GAPVD1: variants seen among roughly 807,000 people sequenced by gnomAD.
GAPVD1 encodes GTPase activating protein and VPS9 domains 1.
Under a neutral mutation model 155.5 loss-of-function variants are expected in GAPVD1, and 35 were observed. The ratio of observed to expected loss-of-function variants is 0.23; its 90% CI spans 0.17 to 0.30. GAPVD1 has a LOEUF of 0.30. Among genes scored for constraint, GAPVD1 ranks in the 10% least tolerant of loss-of-function variants. GAPVD1 has a pLI of 1.00. For missense variants in GAPVD1, 1,429 were observed against 1,775.7 expected, an observed-to-expected ratio of 0.80 and a Z score of 3.51; for synonymous variants, 636 against 619.7, an observed-to-expected ratio of 1.03 and a Z score of -0.39.
Position 125,346,917 on chromosome 9 carries a change from G to A in GAPVD1, c.3145G>A (p.Ala1049Thr). The A allele has an allele frequency of 6.2e-7, 1 of 1,612,318 alleles. No individual in the cohort carries two copies. Among genetic ancestry groups the A allele is most frequent in the South Asian group, 1.1e-5 (1 of 91,038 alleles). ...TAAACGGACCAGCCCCAGTGATGGA[G>A]CAATGGCAAACTATGAAAGTACAGG... Reference protein sequence around the residue: ...AIKRTSPSDGAMANYESTEVM... With the variant: ...AIKRTSPSDGTMANYESTEVM... Residue 1049 changes from alanine (A) to threonine (T), a missense_variant, in exon 20 of 28, where the codon GCA becomes ACA. Physicochemically the swap from Ala to Thr is moderately conservative, Grantham distance 58. Transcript: ENST00000297933.
intron 15 of GAPVD1, among the ~76,000 whole-genome samples, chr9:125,336,145 C>CA (rs770093537): frequency 0.081 from 5,547 of 68,820 alleles, 331 homozygotes; most frequent in African/African-American, 0.23. Context: ...ACTTTGTCTC[C>CA]AAAAAAAAAA....
intron 15 of GAPVD1, among the ~76,000 whole-genome samples, chr9:125,334,920 T>C (rs563053725): frequency 2.0e-4 from 30 of 152,290 alleles, no homozygotes; most frequent in African/African-American, 7.2e-4. Flanking sequence ...AACGTGTGTC[T>C]ACCTGCATGA....
chr9:125,277,980 T>C (rs1836084908), intron 2 of GAPVD1, among the ~76,000 whole-genome samples: 1 of 152,172 alleles, frequency 6.6e-6, no homozygotes, highest in South Asian at 2.1e-4. Flanking sequence ...GTCAATTTTT[T>C]GGAACGAGAA....
chr9:125,325,740 T>G (rs1845076120), intron 11 of GAPVD1, among the ~76,000 whole-genome samples: 1 of 152,160 alleles, frequency 6.6e-6, no homozygotes, highest in Non-Finnish European at 1.5e-5. Context: ...TATCAGTGTA[T>G]TAATTAGGAT....
chr9:125,274,969 G>T (rs980839126), intron 2 of GAPVD1, among the ~76,000 whole-genome samples: 6 of 152,072 alleles, frequency 3.9e-5, no homozygotes, highest in African/African-American at 1.4e-4. Flanking sequence ...CTGCCTCCGG[G>T]ATCTTAGGCA....
intron 2 of GAPVD1, among the ~76,000 whole-genome samples, chr9:125,288,464 A>G (rs185761127): frequency 7.0e-4 from 106 of 152,202 alleles, no homozygotes; most frequent in Middle Eastern, 3.4e-3. Context: ...CCCATCCACC[A>G]AAGGACTACA....
chr9:125,323,001 CAAG>C (rs1844573778), intron 10 of GAPVD1, among the ~76,000 whole-genome samples: 1 of 146,680 alleles, frequency 6.8e-6, no homozygotes, highest in Non-Finnish European at 1.5e-5. Flanking sequence ...TGCAGTGAGC[CAAG>C]ATGGTGCCAC....
intron 9 of GAPVD1, among the ~76,000 whole-genome samples, chr9:125,315,047 A>G (rs2131328499): frequency 6.6e-6 from 1 of 152,188 alleles, no homozygotes; most frequent in East Asian, 1.9e-4. Flanking sequence ...TCGGCCTCCC[A>G]AAGTGCTGGG....
intron 23 of GAPVD1, among the ~76,000 whole-genome samples, chr9:125,352,599 G>A (rs1473744403): frequency 1.3e-5 from 2 of 152,196 alleles, no homozygotes; most frequent in African/African-American, 2.4e-5. Flanking sequence ...TTCCTCCTAG[G>A]CCTCTGGGCC....
rs1564310420 is a variant in GAPVD1 at position 125,293,842 on chromosome 9, A to AAAATATATTTTATATATATAT, written c.-149-1614_-149-1594dup. ...TGAAATATAAAAAAATATATATATA[A>AAAATATATTTTATATATATAT]AAATATATTTTATATATATATATAT... On this transcript the variant is annotated intron_variant, in intron 2 of 27. Coordinates refer to ENST00000297933, the MANE Select transcript of GAPVD1 (RefSeq NM_001282680.3). Among the ~76,000 whole-genome samples the AAAATATATTTTATATATATAT allele has an allele frequency of 5.5e-4, 43 of 77,986 alleles. 2 individuals carry two copies. The East Asian group carries it at 7.7e-3, about 14-fold the overall frequency. 51.2% of individuals were successfully genotyped at this position (77,986 alleles called of 152,430 possible). A position where few individuals can be genotyped will look rare whatever the true frequency, so the allele number is the denominator to read the frequency against.
At chr9:125,328,670 C>G (rs1427209515) in intron 12 of GAPVD1, among the ~76,000 whole-genome samples, 4 of 151,156 alleles carry the variant, frequency 2.6e-5, no homozygotes, top group Non-Finnish European at 5.9e-5. Context: ...TTCTATTCCA[C>G]AAAGCCGCCA....
chr9:125,312,583 C>G lies in GAPVD1; in HGVS notation c.1573C>G (p.Leu525Val), dbSNP rs147368981. ...CATTTCCTTAGGTACAGGTCCCCAGCTTACTCCAGGGATGATGTCAGAAAA... is the reference window on the plus strand; with the variant it reads ...CATTTCCTTAGGTACAGGTCCCCAGGTTACTCCAGGGATGATGTCAGAAAA... ...LVISLGTGPQ[L>V]TPGMMSENEV... is the part of the protein sequence containing the mutation. Residue 525 changes from leucine to valine, a missense_variant, in exon 9 of 28, where the codon CTT (leucine) becomes GTT (valine). Leu to Val is a conservative substitution (Grantham distance 32). Transcript: ENST00000297933. 5.0e-6 allele frequency: 8 copies of G among 1,596,022 alleles called. No individual in the cohort carries two copies. The African/African-American group carries it at 1.1e-4, about 22-fold the overall frequency.
At chr9:125,336,313 CAAAAAAT>C (rs1846976035) in intron 15 of GAPVD1, among the ~76,000 whole-genome samples, 1 of 141,208 alleles carries the variant, frequency 7.1e-6, no homozygotes, top group African/African-American at 2.6e-5. Flanking sequence ...AAACAAAAAA[CAAAAAAT>C]AGCTTCAGAC....
chr9:125,330,985 G>A (rs941472457), intron 13 of GAPVD1, among the ~76,000 whole-genome samples: 1 of 111,782 alleles, frequency 8.9e-6, no homozygotes, highest in Non-Finnish European at 1.9e-5. Flanking sequence ...TAATCCTGAG[G>A]ATTTTTTTTT....
At chr9:125,341,781 C>T (rs74977966) in intron 18 of GAPVD1, 1,611 of 157,012 alleles carry the variant, frequency 0.01, 21 homozygotes, top group African/African-American at 0.035. Flanking sequence ...GCAAAAGCAT[C>T]TCTTCCTGAA....
At position 125,323,871 on chromosome 9, in the gene GAPVD1, A is replaced by G; in HGVS notation, c.1806A>G (p.Gly602=). The change falls in exon 11 of 28, where the codon GGA becomes GGG. Residue 602 remains glycine (G), a synonymous_variant. Coordinates refer to ENST00000297933, the MANE Select transcript of GAPVD1 (RefSeq NM_001282680.3). The stretch of plus-strand genomic sequence containing the variant: ...AGTCTGTGTCAGAACTTGGAGCAGG[A>G]CCTTCTGGCAGTAATGGAGTTGAAG... ...EGESVSELGA[G]PSGSNGVEAL... 3.1e-6 allele frequency: 5 copies of G among 1,613,674 alleles called. No homozygotes were observed. Among genetic ancestry groups the G allele is most frequent in the Non-Finnish European group, 4.2e-6 (5 of 1,179,658 alleles).
intron 19 of GAPVD1, among the ~76,000 whole-genome samples, chr9:125,344,057 A>G (rs1237446793): frequency 1.3e-5 from 2 of 152,138 alleles, no homozygotes; most frequent in Admixed American, 1.3e-4. Flanking sequence ...TCATAAAGTA[A>G]TTTATTTTCT....
intron 21 of GAPVD1, among the ~76,000 whole-genome samples, chr9:125,349,946 A>C (rs1474840595): frequency 6.6e-6 from 1 of 152,016 alleles, no homozygotes; most frequent in Non-Finnish European, 1.5e-5. Context: ...AGGCATTCCA[A>C]ATCTGGGTGT....
At position 125,299,053 on chromosome 9, in the gene GAPVD1, A is replaced by G. The variant is rs1840348419; in HGVS notation, c.132A>G (p.Thr44=). Reference sequence around the variant, plus strand: ...AGACAGCTGAAAAGTTGTATCGTACAGCATGGATTGCGAAGCAACAGAGAA... The same window carrying G: ...AGACAGCTGAAAAGTTGTATCGTACGGCATGGATTGCGAAGCAACAGAGAA... The part of the protein sequence containing the change: ...VLKTAEKLYR[T]AWIAKQQRIN... The change falls in exon 4 of 28, where the codon ACA becomes ACG. Residue 44 remains threonine, a synonymous_variant. Coordinates refer to ENST00000297933, the MANE Select transcript of GAPVD1 (RefSeq NM_001282680.3). 1 of 1,608,866 alleles carries G rather than the reference A, an allele frequency of 6.2e-7. No homozygotes were observed. The highest frequency in any genetic ancestry group is 2.2e-5 in the East Asian group (1 of 44,770).
Sources: allele counts gnomAD v4.1 joint callset (sites outside exome capture counted in the v4.1 genomes callset), GRCh38; gene constraint gnomAD v4.1.1; transcripts MANE v1.5; gene names NCBI Gene and HGNC (gene_info 2026-07-23, HGNC 2026-07-21).